UBE3A: variants seen among roughly 807,000 people sequenced by gnomAD.
UBE3A encodes ubiquitin-protein ligase E3A.
A neutral mutation model predicts 83.4 loss-of-function variants in UBE3A; 6 were observed. That is an observed-to-expected ratio of 0.07 (90% confidence interval 0.04 to 0.14). The LOEUF (loss-of-function observed/expected upper bound fraction) is 0.14, where lower values mean the gene tolerates loss of function less well. UBE3A is among the 10% of genes least tolerant of loss of function. UBE3A has a pLI of 1.00. For synonymous variants in UBE3A, 337 were observed against 355.4 expected, an observed-to-expected ratio of 0.95 and a Z score of 0.58; for missense variants, 456 against 1,036.1, an observed-to-expected ratio of 0.44 and a Z score of 7.69.
intron 2 of UBE3A, among the ~76,000 whole-genome samples, chr15:25,410,557 G>GC (rs2089772934): frequency 6.6e-6 from 1 of 152,160 alleles, no homozygotes; most frequent in Non-Finnish European, 1.5e-5. Flanking sequence ...ATAGTCAAGC[G>GC]TAAAAGGTGG....
At chr15:25,344,572 G>A (rs1397622682) in intron 11 of UBE3A, among the ~76,000 whole-genome samples, 3 of 152,116 alleles carry the variant, frequency 2.0e-5, no homozygotes, top group Non-Finnish European at 4.4e-5. Context: ...TTAGAGTAAT[G>A]ACTGTGAAAC....
intron 5 of UBE3A, among the ~76,000 whole-genome samples, chr15:25,372,228 T>C (rs560320236): frequency 3.3e-5 from 5 of 152,286 alleles, no homozygotes; most frequent in Admixed American, 3.3e-4. Context: ...GTGAGTTTTC[T>C]TGTTTCAGTA....
Position 25,339,003 on chromosome 15 carries a change from GACTATCTTACAGCCTTTTTGTACTGGGAC to G in UBE3A, c.*105_*133del. ...ACAGACATAGGTGACTACTGTGGTT[GACTATCTTACAGCCTTTTTGTACTGGGAC>G]ACTATCACCACCAAAAATTTATCCC... On this transcript the variant is annotated 3_prime_UTR_variant, in exon 13 of 13. Transcript: ENST00000648336. The G allele has an allele frequency of 9.8e-7, 1 of 1,025,094 alleles. No homozygotes were observed. The highest frequency in any genetic ancestry group is 1.3e-6 in the Non-Finnish European group (1 of 751,444). The allele number at this position is 1,025,094 out of a possible 1,614,324, so 63.5% of individuals were successfully genotyped here.
chr15:25,378,822 C>T (rs1285356851), intron 4 of UBE3A, among the ~76,000 whole-genome samples: 1 of 152,188 alleles, frequency 6.6e-6, no homozygotes, highest in East Asian at 1.9e-4. Flanking sequence ...GTGAACCTCA[C>T]ATTTATGCAT....
intron 1 of UBE3A, among the ~76,000 whole-genome samples, chr15:25,431,066 G>T (rs1893306623): frequency 6.6e-6 from 1 of 152,188 alleles, no homozygotes; most frequent in South Asian, 2.1e-4. Flanking sequence ...AATTAGCTCA[G>T]TTCGTCTAAT....
intron 4 of UBE3A, among the ~76,000 whole-genome samples, chr15:25,387,521 C>T (rs2083388779): frequency 1.4e-5 from 2 of 140,656 alleles, no homozygotes; most frequent in African/African-American, 5.2e-5. Flanking sequence ...GACTCCATCT[C>T]AAAAAAAAAA....
At chr15:25,407,157 C>T in intron 3 of UBE3A, 1 of 1,348,314 alleles carries the variant, frequency 7.4e-7, no homozygotes, top group Non-Finnish European at 9.8e-7. Context: ...GATGATAACC[C>T]CATGTACCAG....
intron 12 of UBE3A, chr15:25,339,738 C>T: frequency 2.8e-6 from 1 of 353,296 alleles, no homozygotes; most frequent in South Asian, 2.6e-5. Flanking sequence ...TAACAGGATT[C>T]TAGCACAATC....
At chr15:25,427,690 C>T (rs1184565798) in intron 1 of UBE3A, among the ~76,000 whole-genome samples, 1 of 137,986 alleles carries the variant, frequency 7.2e-6, no homozygotes, top group African/African-American at 2.8e-5. Flanking sequence ...ACTTGGGAGG[C>T]TGAGGCAAGA....
intron 4 of UBE3A, among the ~76,000 whole-genome samples, chr15:25,400,229 A>T (rs2086750211): frequency 6.6e-6 from 1 of 152,228 alleles, no homozygotes; most frequent in South Asian, 2.1e-4. Flanking sequence ...GGTTAAAGTT[A>T]TTTCTAAGTA....
intron 4 of UBE3A, among the ~76,000 whole-genome samples, chr15:25,402,509 A>G (rs2087400268): frequency 6.6e-6 from 1 of 152,220 alleles, no homozygotes; most frequent in African/African-American, 2.4e-5. Context: ...CCCTAGCACT[A>G]GACAGGCTTA....
chr15:25,339,881 C>T (rs1458229666), intron 12 of UBE3A: 3 of 621,488 alleles, frequency 4.8e-6, no homozygotes, highest in Non-Finnish European at 8.3e-6. Context: ...ATGTGAGCCC[C>T]ATAATAATTT....
At chr15:25,340,727 A>AC (rs573216933) in intron 11 of UBE3A, among the ~76,000 whole-genome samples, 1 of 152,098 alleles carries the variant, frequency 6.6e-6, no homozygotes, top group Non-Finnish European at 1.5e-5. Flanking sequence ...AGAAAAAAAG[A>AC]CCCCCTGCCC....
At chr15:25,398,810 T>TATAAATAC (rs1567068969) in intron 4 of UBE3A, among the ~76,000 whole-genome samples, 3 of 71,478 alleles carry the variant, frequency 4.2e-5, no homozygotes, top group Non-Finnish European at 8.7e-5. Flanking sequence ...TATATATATA[T>TATAAATAC]ATATAAAAAT....
At chr15:25,414,178 A>C (rs1056916879) in intron 1 of UBE3A, among the ~76,000 whole-genome samples, 1 of 152,146 alleles carries the variant, frequency 6.6e-6, no homozygotes, top group Non-Finnish European at 1.5e-5. Flanking sequence ...TTTCCCAAAG[A>C]ACTCACTCTG....
intron 1 of UBE3A, among the ~76,000 whole-genome samples, chr15:25,422,747 G>A (rs1291308109): frequency 6.6e-6 from 1 of 151,520 alleles, no homozygotes; most frequent in Non-Finnish European, 1.5e-5. Flanking sequence ...GGCTGAGGTG[G>A]GAGGATAGCT....
At chr15:25,367,272 T>C (rs1460642334) in intron 6 of UBE3A, among the ~76,000 whole-genome samples, 1 of 129,540 alleles carries the variant, frequency 7.7e-6, no homozygotes, top group Non-Finnish European at 1.6e-5. Flanking sequence ...TATGTAAATA[T>C]TTACATATTT....
At position 25,438,506 on chromosome 15, in the gene UBE3A, C is replaced by G. The variant is rs1294706600; in HGVS notation, c.-182G>C. 6.6e-6 allele frequency: 1 copy of G among 152,444 alleles called. No homozygotes were observed. The highest frequency in any genetic ancestry group is 2.4e-5 in the African/African-American group (1 of 41,456). The allele number at this position is 152,444 out of a possible 1,614,324, so 9.4% of individuals were successfully genotyped here. A position where few individuals can be genotyped will look rare whatever the true frequency, so the allele number is the denominator to read the frequency against. On this transcript the variant is annotated 5_prime_UTR_variant, in exon 1 of 13. Transcript: ENST00000648336. ...ACACTGACCTGTCGTCGCCCCCGCG[C>G]CTGGGCTGCGGCGGCCGCCTCACTG...
At chr15:25,339,814 AT>A (rs1414253196) in intron 12 of UBE3A, 2 of 470,422 alleles carry the variant, frequency 4.3e-6, no homozygotes, top group African/African-American at 3.9e-5. Flanking sequence ...ATGGCTTTCA[AT>A]TAACAAGCTG....
Sources: gnomAD v4.1 joint callset for allele counts (sites outside exome capture counted in the v4.1 genomes callset) on GRCh38, gnomAD v4.1.1 for gene constraint, MANE v1.5 for transcripts, NCBI Gene and HGNC (gene_info 2026-07-23, HGNC 2026-07-21) for gene names.